Variants in MESD observed in about 807,000 individuals in gnomAD.
The protein encoded by MESD is LRP chaperone MESD.
In MESD, 7 loss-of-function variants were observed where a neutral mutation model predicts 12.9. That is an observed-to-expected ratio of 0.54 (90% CI 0.31 to 1.02). The LOEUF (loss-of-function observed/expected upper bound fraction) is 1.02, where lower values mean the gene tolerates loss of function less well. MESD is among the 50% of genes least tolerant of loss of function. The pLI is 0.05. For missense variants in MESD, 342 were observed against 296.7 expected (o/e 1.15, Z -1.12); for synonymous variants, 126 against 115.6 (o/e 1.09, Z -0.58).
At position 80,977,391 on chromosome 15, in the gene MESD, T is replaced by C. The variant is rs1596233690; in HGVS notation, c.*1828A>G. On this transcript the variant is annotated 3_prime_UTR_variant, in exon 3 of 3. Coordinates refer to ENST00000261758, the MANE Select transcript of MESD (RefSeq NM_015154.3). ...GCTGTATCTACACCGTCCTGGCACCTTGTAGTACCTAGTACATAACAGACA... is the reference window on the plus strand; with the variant it reads ...GCTGTATCTACACCGTCCTGGCACCCTGTAGTACCTAGTACATAACAGACA... 1.3e-5 allele frequency: 2 copies of C among 152,270 alleles called. No homozygotes were observed. Among genetic ancestry groups the C allele is most frequent in the East Asian group, 1.9e-4 (1 of 5,198 alleles). 9.4% of individuals were successfully genotyped at this position (152,270 alleles called of 1,614,324 possible). A position where few individuals can be genotyped will look rare whatever the true frequency, so the allele number is the denominator to read the frequency against.
chr15:80,981,060 G>A (rs527767282), intron 2 of MESD, among the ~76,000 whole-genome samples: 27 of 151,660 alleles, frequency 1.8e-4, no homozygotes, highest in Non-Finnish European at 3.1e-4. Context: ...TCCTGACTTC[G>A]TGATCCGCCC....
chr15:80,989,466 TGAGTA>T, intron 1 of MESD, 108 bp downstream of exon 1: 1 of 1,227,646 alleles, frequency 8.1e-7, no homozygotes, highest in Non-Finnish European at 1.1e-6. Context: ...ATTCAAGGCA[TGAGTA>T]GAGGAGGTTA....
rs761365881 is a variant in MESD, at chr15:80,989,671, G to A, written c.121C>T (p.Pro41Ser). The change falls in exon 1 of 3, where the codon CCC becomes TCC. Residue 41 changes from proline to serine, a missense_variant. Transcript: ENST00000261758. ...CGGGGAGGTGGGGTAGACTCGTCGGGCGTCCCGGGCGAGCCTTCGGCCGCG... is the reference window on the plus strand; with the variant it reads ...CGGGGAGGTGGGGTAGACTCGTCGGACGTCCCGGGCGAGCCTTCGGCCGCG... ...SCAAEGSPGT[P>S]DESTPPPRKK... 1.9e-6 allele frequency: 3 copies of A among 1,613,308 alleles called. No homozygotes were observed. The highest frequency in any genetic ancestry group is 2.2e-5 in the East Asian group (1 of 44,878).
At chr15:80,961,268 G>A (rs78278423) in intron 3 of MESD, among the ~76,000 whole-genome samples, 8,660 of 137,188 alleles carry the variant, frequency 0.063, 323 homozygotes, top group Middle Eastern at 0.19. Context: ...AAGCAGTAAG[G>A]AACAAAAAGA....
At chr15:80,957,857 T>C (rs1307968241) in intron 3 of MESD, among the ~76,000 whole-genome samples, 1 of 152,042 alleles carries the variant, frequency 6.6e-6, no homozygotes, top group Non-Finnish European at 1.5e-5. Context: ...CTTCCACTGG[T>C]TGGATGAAGC....
At chr15:80,953,500 C>T (rs1331214572) in intron 3 of MESD, among the ~76,000 whole-genome samples, 2 of 152,212 alleles carry the variant, frequency 1.3e-5, no homozygotes, top group East Asian at 1.9e-4. Flanking sequence ...CACTGCAATG[C>T]ATTAGGTGAC....
intron 3 of MESD, among the ~76,000 whole-genome samples, chr15:80,969,882 T>C (rs1449101370): frequency 6.6e-6 from 1 of 152,148 alleles, no homozygotes; most frequent in Non-Finnish European, 1.5e-5. Flanking sequence ...AATCCTGGCT[T>C]TGTCACTGCC....
intron 4 of MESD, chr15:80,948,915 G>A: frequency 6.2e-7 from 1 of 1,614,264 alleles, no homozygotes; most frequent in Non-Finnish European, 8.5e-7. Context: ...TGAAGAAGAA[G>A]AAGTTGTGAG....
Position 80,976,747 on chromosome 15 carries a change from C to T in MESD, c.*2472G>A, listed in dbSNP as rs764599643. ...CTTTCAGATATAAACAAAAGTGTACCGAAATATTTTGTATGAAAATGTCCA... is the reference window on the plus strand; with the variant it reads ...CTTTCAGATATAAACAAAAGTGTACTGAAATATTTTGTATGAAAATGTCCA... On this transcript the variant is annotated 3_prime_UTR_variant, in exon 3 of 3. Coordinates refer to ENST00000261758, the MANE Select transcript of MESD (RefSeq NM_015154.3). The T allele has an allele frequency of 6.6e-6, 1 of 152,026 alleles. No individual in the cohort carries two copies. Among genetic ancestry groups the T allele is most frequent in the Non-Finnish European group, 1.5e-5 (1 of 68,012 alleles). 9.4% of individuals were successfully genotyped at this position (152,026 alleles called of 1,614,324 possible).
chr15:80,973,062 A>G (rs1902325983), downstream of MESD, among the ~76,000 whole-genome samples: 1 of 152,076 alleles, frequency 6.6e-6, no homozygotes. Flanking sequence ...CTTCGTTACT[A>G]TATAACGCTG....
chr15:80,975,559 G>T (rs1902388120), downstream of MESD, among the ~76,000 whole-genome samples: 1 of 151,894 alleles, frequency 6.6e-6, no homozygotes, highest in African/African-American at 2.4e-5. Flanking sequence ...AGGGACACAG[G>T]AAAAAGTTTG....
chr15:80,946,825 C>G, downstream of MESD: 1 of 702,810 alleles, frequency 1.4e-6, no homozygotes, highest in Admixed American at 2.0e-5. Flanking sequence ...ACAGGAGAGG[C>G]TGCCCTTTCC....
At chr15:80,949,628 T>C (rs760616240) in intron 4 of MESD, 1 of 159,336 alleles carries the variant, frequency 6.3e-6, no homozygotes, top group Non-Finnish European at 1.4e-5. Flanking sequence ...TCCACTGATA[T>C]CCATGATGCT....
rs1325615985 is a variant in MESD at position 80,976,373 on chromosome 15, TA to T, written c.*2845del. On this transcript the variant is annotated 3_prime_UTR_variant, in exon 3 of 3. Transcript: ENST00000261758. ...TATGTTGGCTCCCCTCAGTGTCAAC[TA>T]GGATTGCTTGAAGGCTGGGGCTGGA... is the stretch of plus-strand genomic sequence containing the variant. 4 of 152,406 alleles carry T rather than the reference TA, an allele frequency of 2.6e-5. No individual in the cohort carries two copies. Among genetic ancestry groups the T allele is most frequent in the Non-Finnish European group, 4.4e-5 (3 of 68,084 alleles). The allele number at this position is 152,406 out of a possible 1,614,324, so 9.4% of individuals were successfully genotyped here. A position where few individuals can be genotyped will look rare whatever the true frequency, so the allele number is the denominator to read the frequency against.
chr15:80,956,975 C>T (rs1301108501), intron 3 of MESD, among the ~76,000 whole-genome samples: 1 of 152,076 alleles, frequency 6.6e-6, no homozygotes, highest in East Asian at 1.9e-4. Flanking sequence ...CGCTACCATG[C>T]CCAGCTATTT....
chr15:80,956,832 T>C (rs773943534), intron 3 of MESD, among the ~76,000 whole-genome samples: 4 of 152,028 alleles, frequency 2.6e-5, no homozygotes, highest in Non-Finnish European at 4.4e-5. Context: ...TTTTTTTTGT[T>C]TGAGACAGAG....
At chr15:80,965,914 G>A (rs1902167604) in intron 3 of MESD, among the ~76,000 whole-genome samples, 1 of 151,918 alleles carries the variant, frequency 6.6e-6, no homozygotes, top group Non-Finnish European at 1.5e-5. Flanking sequence ...TAACAAACCT[G>A]CACGTTGTGC....
intron 3 of MESD, among the ~76,000 whole-genome samples, chr15:80,955,587 C>G (rs901905246): frequency 6.6e-6 from 1 of 150,680 alleles, no homozygotes; most frequent in Admixed American, 6.6e-5. Flanking sequence ...GTTGTTTGCA[C>G]AGTAAAGTTT....
Position 80,979,081 on chromosome 15 carries a change from G to A in MESD, c.*138C>T. 2 of 1,195,158 alleles carry A rather than the reference G, an allele frequency of 1.7e-6. No homozygotes were observed. Among genetic ancestry groups the A allele is most frequent in the Non-Finnish European group, 2.3e-6 (2 of 853,690 alleles). The allele number at this position is 1,195,158 out of a possible 1,614,324, so 74.0% of individuals were successfully genotyped here. On this transcript the variant is annotated 3_prime_UTR_variant, in exon 3 of 3. Transcript: ENST00000261758. ...GCAGTAATTCTTTGACCACAAACTG[G>A]TCATGTGGCAGACCCTTTCTAGAAG...
Sources: allele counts gnomAD v4.1 joint callset (sites outside exome capture counted in the v4.1 genomes callset), GRCh38; gene constraint gnomAD v4.1.1; transcripts MANE v1.5; gene names NCBI Gene and HGNC (gene_info 2026-07-23, HGNC 2026-07-21).